NRG1: variants seen among roughly 807,000 people sequenced by gnomAD.
NRG1 encodes neuregulin 1.
Under a neutral mutation model 63.8 loss-of-function variants are expected in NRG1, and 18 were observed. The ratio of observed to expected loss-of-function variants is 0.28; its 90% CI spans 0.19 to 0.42. The LOEUF is 0.42. Ranked by LOEUF, NRG1 falls within the 10% of genes least tolerant of loss-of-function variation. The pLI is 1.00. For missense variants in NRG1, 762 were observed against 814.7 expected (o/e 0.94, Z 0.79); for synonymous variants, 302 against 301.3 (o/e 1.00, Z -0.02).
chr8:32,300,319 A>ATTAGTATAGCCAAATTTTATCTTCT (rs1855440396), intron 1 of NRG1, among the ~76,000 whole-genome samples: 2 of 152,252 alleles, frequency 1.3e-5, no homozygotes, highest in Non-Finnish European at 2.9e-5. Flanking sequence ...TTCTCATAGA[A>ATTAGTATAGCCAAATTTTATCTTCT]TTAGTATAGC....
At chr8:32,752,421 A>G (rs947407448) in intron 7 of NRG1, among the ~76,000 whole-genome samples, 1 of 152,098 alleles carries the variant, frequency 6.6e-6, no homozygotes, top group Non-Finnish European at 1.5e-5. Context: ...GCTGCACACA[A>G]AATCCGTGAT....
intron 1 of NRG1, among the ~76,000 whole-genome samples, chr8:32,001,589 C>T (rs1288300642): frequency 6.6e-6 from 1 of 151,784 alleles, no homozygotes; most frequent in Non-Finnish European, 1.5e-5. Context: ...TAGTTTTCAC[C>T]TTTGTCTTCC....
intron 1 of NRG1, among the ~76,000 whole-genome samples, chr8:32,142,293 T>C (rs1387338998): frequency 3.3e-5 from 5 of 152,212 alleles, no homozygotes; most frequent in East Asian, 1.9e-4. Context: ...GCTTTTTCAC[T>C]ATTTCCAGTC....
chr8:32,098,033 A>G (rs1435146374), intron 1 of NRG1, among the ~76,000 whole-genome samples: 1 of 152,192 alleles, frequency 6.6e-6, no homozygotes, highest in African/African-American at 2.4e-5. Flanking sequence ...AGAGAAGATA[A>G]GAGGGATCAA....
chr8:32,296,154 T>C (rs1854839864), intron 1 of NRG1, among the ~76,000 whole-genome samples: 1 of 152,122 alleles, frequency 6.6e-6, no homozygotes, highest in South Asian at 2.1e-4. Flanking sequence ...GGCTGAGAAG[T>C]GCAGTCATTG....
intron 1 of NRG1, among the ~76,000 whole-genome samples, chr8:32,377,235 C>T (rs1809745779): frequency 6.6e-6 from 1 of 152,198 alleles, no homozygotes; most frequent in African/African-American, 2.4e-5. Context: ...CAGCTTTCTT[C>T]ATGTGTTCCT....
intron 1 of NRG1, among the ~76,000 whole-genome samples, chr8:31,982,027 A>G (rs928923090): frequency 4.6e-5 from 7 of 151,946 alleles, no homozygotes; most frequent in Non-Finnish European, 7.4e-5. Context: ...GATGGGCAGG[A>G]GCACAGAGAT....
intron 1 of NRG1, among the ~76,000 whole-genome samples, chr8:32,434,411 T>G (rs185410177): frequency 3.9e-5 from 6 of 152,208 alleles, no homozygotes; most frequent in Admixed American, 3.9e-4. Context: ...CTTTATAAAT[T>G]TAAAACATTA....
rs574602351 is a variant in NRG1 at position 31,876,951 on chromosome 8, C to A, written c.37+237520C>A. Among the ~76,000 whole-genome samples, 11 of 152,258 alleles carry A rather than the reference C, an allele frequency of 7.2e-5. No individual in the cohort carries two copies. The South Asian group carries it at 2.3e-3, about 32-fold the overall frequency. On this transcript the variant is annotated intron_variant, in intron 1 of 10. Coordinates refer to the NRG1 transcript ENST00000519301. ...CGCTGAGATGACTCATTTTACACTTCTTTTTTTACATATTTACCCTGTTTT... is the reference window on the plus strand; with the variant it reads ...CGCTGAGATGACTCATTTTACACTTATTTTTTTACATATTTACCCTGTTTT...
chr8:32,650,866 CA>C (rs2065227114), intron 5 of NRG1, among the ~76,000 whole-genome samples: 1 of 151,926 alleles, frequency 6.6e-6, no homozygotes, highest in Admixed American at 6.6e-5. Context: ...CTCCCGTTTC[CA>C]TTTTTTTTTC....
intron 5 of NRG1, among the ~76,000 whole-genome samples, chr8:32,650,362 G>A (rs567235351): frequency 6.6e-6 from 1 of 152,260 alleles, no homozygotes; most frequent in South Asian, 2.1e-4. Context: ...TAAGCCTAGA[G>A]AAGCAGTCTG....
chr8:32,339,418 A>G (rs967891997), intron 1 of NRG1, among the ~76,000 whole-genome samples: 1 of 152,188 alleles, frequency 6.6e-6, no homozygotes, highest in African/African-American at 2.4e-5. Flanking sequence ...AATATTTTAA[A>G]TATAGTAGTG....
intron 1 of NRG1, among the ~76,000 whole-genome samples, chr8:32,417,941 CA>C (rs1816162197): frequency 6.6e-6 from 1 of 151,906 alleles, no homozygotes; most frequent in Admixed American, 6.6e-5. Context: ...GCACCTTTTC[CA>C]AAGCAACTAT....
intron 1 of NRG1, among the ~76,000 whole-genome samples, chr8:32,433,906 C>G (rs996830099): frequency 1.3e-5 from 2 of 152,042 alleles, no homozygotes; most frequent in Non-Finnish European, 2.9e-5. Context: ...ATATACCTCA[C>G]AGTAAAACTT....
intron 1 of NRG1, among the ~76,000 whole-genome samples, chr8:31,885,277 C>G (rs1830633925): frequency 6.6e-6 from 1 of 151,888 alleles, no homozygotes; most frequent in Non-Finnish European, 1.5e-5. Context: ...GTGGAAATAA[C>G]AGCACAGTAA....
intron 1 of NRG1, among the ~76,000 whole-genome samples, chr8:32,314,010 A>G (rs1346254608): frequency 2.0e-5 from 3 of 152,104 alleles, no homozygotes; most frequent in African/African-American, 7.2e-5. Flanking sequence ...CATGTTAACT[A>G]CCCTTAATCA....
chr8:32,159,224 T>C (rs4733299), intron 1 of NRG1, among the ~76,000 whole-genome samples: 8,516 of 152,300 alleles, frequency 0.056, 399 homozygotes, highest in East Asian at 0.26. Context: ...ACATTGATTG[T>C]TTTAGTTTTT....
At position 32,237,333 on chromosome 8, in the gene NRG1, G is replaced by A. The variant is rs539932965; in HGVS notation, c.38-358495G>A. On this transcript the variant is annotated intron_variant, in intron 1 of 10. Transcript: ENST00000519301. The stretch of plus-strand genomic sequence containing the variant: ...TATGTCCACTTTCTTTTGAGTTTTT[G>A]TGTTAGCCCTGCATTGCTATAATTT... Among the ~76,000 whole-genome samples the A allele has an allele frequency of 6.2e-4, 94 of 152,212 alleles. 1 individual carries two copies. The highest frequency in any genetic ancestry group is 2.2e-3 in the Admixed American group (33 of 15,294).
intron 1 of NRG1, among the ~76,000 whole-genome samples, chr8:32,367,575 A>G (rs935364371): frequency 2.6e-5 from 4 of 152,104 alleles, no homozygotes; most frequent in African/African-American, 7.2e-5. Context: ...AACTCAAACT[A>G]TAGTCCTTTG....
Sources: gnomAD v4.1 joint callset for allele counts (sites outside exome capture counted in the v4.1 genomes callset) on GRCh38, gnomAD v4.1.1 for gene constraint, MANE v1.5 for transcripts, NCBI Gene and HGNC (gene_info 2026-07-23, HGNC 2026-07-21) for gene names.